The following AP2S1 variants were observed in gnomAD, a reference collection of about 807,000 sequenced individuals.
The protein encoded by AP2S1 is adaptor related protein complex 2 subunit sigma 1.
AP2S1 carries 6 observed loss-of-function variants against 21.0 expected under a neutral mutation model. That is an observed-to-expected ratio of 0.29 (90% CI 0.16 to 0.56). The LOEUF is 0.56. Ranked by LOEUF, AP2S1 falls within the 20% of genes least tolerant of loss-of-function variation. AP2S1 has a pLI of 0.92. For synonymous variants in AP2S1, 63 were observed against 74.6 expected (o/e 0.84, Z 0.80); for missense variants, 60 against 186.2 (o/e 0.32, Z 3.95).
chr19:46,839,375 C>G, intron 3 of AP2S1, 90 bp downstream of exon 3: 1 of 1,415,812 alleles, frequency 7.1e-7, no homozygotes, highest in South Asian at 1.2e-5. Flanking sequence ...AGGGAGGGCT[C>G]AGGAGGGACC....
At chr19:46,840,142 C>T (rs181475034) in intron 2 of AP2S1, among the ~76,000 whole-genome samples, 300 of 152,146 alleles carry the variant, frequency 2.0e-3, no homozygotes, top group African/African-American at 6.8e-3. Flanking sequence ...ATCCTGGGTC[C>T]TTGTCCTGCC....
intron 1 of AP2S1, among the ~76,000 whole-genome samples, chr19:46,847,830 C>A (rs373061574): frequency 9.9e-5 from 15 of 152,104 alleles, no homozygotes; most frequent in Non-Finnish European, 1.8e-4. Context: ...GGCCGTACTT[C>A]GGGCATTTGG....
At chr19:46,842,657 A>G (rs1220905263) in intron 2 of AP2S1, among the ~76,000 whole-genome samples, 1 of 152,046 alleles carries the variant, frequency 6.6e-6, no homozygotes, top group Non-Finnish European at 1.5e-5. Context: ...CCCTCAGCAC[A>G]GGACCAGCCA....
chr19:46,839,436 C>G, intron 3 of AP2S1, 29 bp downstream of exon 3: 1 of 1,550,182 alleles, frequency 6.5e-7, no homozygotes, highest in Non-Finnish European at 8.8e-7. Context: ...CCACCCGCCT[C>G]CCCACCTTAC....
chr19:46,839,500 G>A lies in AP2S1; in HGVS notation c.232C>T (p.Leu78=). 1.3e-6 allele frequency: 2 copies of A among 1,518,074 alleles called. No individual in the cohort carries two copies. Among genetic ancestry groups the A allele is most frequent in the African/African-American group, 1.4e-5 (1 of 72,086 alleles). 94.0% of individuals were successfully genotyped at this position (1,518,074 alleles called of 1,614,324 possible). A position where few individuals can be genotyped will look rare whatever the true frequency, so the allele number is the denominator to read the frequency against. Residue 78 remains leucine, a synonymous_variant, in exon 3 of 5, where the codon CTG becomes TTG. Transcript: ENST00000263270. ...TTGTGAATGGCCTCCAGGTAAGCCA[G>A]GTTGTTGTCATTGACATCCACACAG... ...CICVDVNDNN[L]AYLEAIHNFV... is the part of the protein sequence containing the mutation.
intron 1 of AP2S1, among the ~76,000 whole-genome samples, chr19:46,847,804 T>A (rs2055663662): frequency 6.6e-6 from 1 of 152,166 alleles, no homozygotes; most frequent in Non-Finnish European, 1.5e-5. Flanking sequence ...TGAGTGATCC[T>A]CTGTTGGATG....
rs747718601 is a variant in AP2S1, at chr19:46,846,154, A to G, written c.4-12T>C. 6.2e-7 allele frequency: 1 copy of G among 1,612,732 alleles called. No homozygotes were observed. Among genetic ancestry groups the G allele is most frequent in the Admixed American group, 1.7e-5 (1 of 59,898 alleles). ...AGGATAAAGCGGATCTGGGGGCAGC[A>G]GGAGGAGAAGGAGGAAGTGAGAGAG... On this transcript the variant is annotated splice_polypyrimidine_tract_variant and intron_variant, in intron 1 of 4. Coordinates refer to ENST00000263270, the MANE Select transcript of AP2S1 (RefSeq NM_004069.6).
At chr19:46,850,361 G>T (rs1192858282) in intron 1 of AP2S1, 2 of 1,241,506 alleles carry the variant, frequency 1.6e-6, no homozygotes, top group Admixed American at 8.3e-5. Flanking sequence ...AAGGTCTCGC[G>T]TTCTCGTCCC....
intron 1 of AP2S1, 95 bp downstream of exon 1, chr19:46,850,669 G>A (rs2055722446): frequency 5.2e-6 from 6 of 1,151,762 alleles, no homozygotes; most frequent in Admixed American, 5.2e-5. Context: ...GACCATCCGC[G>A]GCAGAGAAGG....
At chr19:46,846,984 G>T (rs1031073933) in intron 1 of AP2S1, among the ~76,000 whole-genome samples, 1 of 151,780 alleles carries the variant, frequency 6.6e-6, no homozygotes, top group African/African-American at 2.4e-5. Flanking sequence ...TTTTTTAAAG[G>T]TTAAAAAAAA....
intron 1 of AP2S1, chr19:46,850,282 T>C: frequency 1.6e-6 from 2 of 1,235,068 alleles, no homozygotes; most frequent in African/African-American, 3.1e-5. Flanking sequence ...CAACATCCCC[T>C]CTCCACCTGC....
rs1456901832 is a variant in AP2S1, at chr19:46,838,647, A to G, written c.327+93T>C. 6.4e-7 allele frequency: 1 copy of G among 1,566,320 alleles called. No individual in the cohort carries two copies. The highest frequency in any genetic ancestry group is 1.7e-5 in the Admixed American group (1 of 59,290). On this transcript the variant is annotated intron_variant, in intron 4 of 4. Transcript: ENST00000263270. This position sits in a 1 kb window ranked among gnomAD's most constrained non-coding sequence, Gnocchi z 4.1. ...TGATGCCCCTCGAGCTGGGACACAG[A>G]CCTCAGCAGAGGCTCCGGGTGGCTA...
In AP2S1 at chr19:46,838,505, C is replaced by T. The variant is rs1243627392; in HGVS notation, c.371G>A (p.Arg124Gln). The change falls in exon 5 of 5, where the codon CGA becomes CAA. Residue 124 changes from arginine to glutamine, a missense_variant. Transcript: ENST00000263270. The surrounding 1 kb of genome is among the most constrained non-coding windows in gnomAD (Gnocchi z 4.1). ...VDEMFLAGEI[R>Q]ETSQTKVLKQ... The stretch of plus-strand genomic sequence containing the variant: ...CAGCACCTTCGTCTGGCTGGTCTCT[C>T]GGATTTCGCCAGCCAGGAACATCTC... 2 of 1,613,992 alleles carry T rather than the reference C, an allele frequency of 1.2e-6. No homozygotes were observed. The highest frequency in any genetic ancestry group is 1.1e-5 in the South Asian group (1 of 91,090).
At chr19:46,847,755 G>C (rs2055662886) in intron 1 of AP2S1, among the ~76,000 whole-genome samples, 1 of 152,166 alleles carries the variant, frequency 6.6e-6, no homozygotes, top group South Asian at 2.1e-4. Flanking sequence ...GCTCATCTGT[G>C]GGGTGGCAAG....
At chr19:46,843,748 G>C (rs960075486) in intron 2 of AP2S1, among the ~76,000 whole-genome samples, 3 of 151,814 alleles carry the variant, frequency 2.0e-5, no homozygotes, top group Non-Finnish European at 4.4e-5. Flanking sequence ...TTAAAAATTA[G>C]ATGGGCATGG....
chr19:46,847,691 T>G (rs1027253053), intron 1 of AP2S1, among the ~76,000 whole-genome samples: 1 of 152,216 alleles, frequency 6.6e-6, no homozygotes, highest in Non-Finnish European at 1.5e-5. Flanking sequence ...AGTGGAATCA[T>G]GCACTCTGTG....
chr19:46,843,265 C>T (rs1371627352), intron 2 of AP2S1, among the ~76,000 whole-genome samples: 2 of 152,180 alleles, frequency 1.3e-5, no homozygotes, highest in Admixed American at 6.5e-5. Context: ...CGGTCACCAG[C>T]ATCTCCCACC....
Position 46,838,749 on chromosome 19 carries a change from G to A in AP2S1, c.318C>T (p.Asn106=). Residue 106 remains asparagine, a synonymous_variant, in exon 4 of 5, where the codon AAC becomes AAT. Transcript: ENST00000263270. This position sits in a 1 kb window ranked among gnomAD's most constrained non-coding sequence, Gnocchi z 4.1. ...TTCACCAGGAGCCTACCTTGTAGAA[G>A]TTGAACACCAGGTCCAGTTCACAGA... ...HNVCELDLVF[N]FYKVYTVVDE... 1 of 1,613,180 alleles carries A rather than the reference G, an allele frequency of 6.2e-7. No homozygotes were observed. Among genetic ancestry groups the A allele is most frequent in the Non-Finnish European group, 8.5e-7 (1 of 1,179,278 alleles).
intron 2 of AP2S1, among the ~76,000 whole-genome samples, chr19:46,840,719 C>CTTT (rs2055504338): frequency 8.6e-6 from 1 of 115,740 alleles, no homozygotes; most frequent in Non-Finnish European, 1.6e-5. Context: ...CAGTCTTCGG[C>CTTT]ATTTTTTTTT....
Sources: allele counts gnomAD v4.1 joint callset (sites outside exome capture counted in the v4.1 genomes callset), GRCh38; gene constraint gnomAD v4.1.1; non-coding constraint Gnocchi (gnomAD v3.1); transcripts MANE v1.5; gene names NCBI Gene and HGNC (gene_info 2026-07-23, HGNC 2026-07-21).